Variants in MGAT4C observed in about 807,000 individuals in gnomAD.
MGAT4C encodes MGAT4 family member C.
A neutral mutation model predicts 40.1 loss-of-function variants in MGAT4C; 19 were observed. That is an observed-to-expected ratio of 0.47 (90% CI 0.33 to 0.70). MGAT4C has a LOEUF of 0.70. Among genes scored for constraint, MGAT4C ranks in the 30% least tolerant of loss-of-function variants. The pLI is 0.02. For synonymous variants in MGAT4C, 181 were observed against 187.1 expected (o/e 0.97, Z 0.27); for missense variants, 491 against 563.2 (o/e 0.87, Z 1.30).
chr12:86,494,611 T>C (rs1038764433), intron 2 of MGAT4C, among the ~76,000 whole-genome samples: 10 of 151,188 alleles, frequency 6.6e-5, no homozygotes, highest in Non-Finnish European at 1.5e-4. Context: ...CCACAAACCA[T>C]AGCAATCATT....
chr12:86,743,090 ATG>A (rs749128791), intron 1 of MGAT4C, among the ~76,000 whole-genome samples: 34 of 143,608 alleles, frequency 2.4e-4, no homozygotes, highest in Non-Finnish European at 4.4e-4. Flanking sequence ...GTATGTGTGT[ATG>A]TGTGTGTATG....
At chr12:86,307,216 CTG>C (rs10602026) in intron 4 of MGAT4C, among the ~76,000 whole-genome samples, 98,525 of 149,530 alleles carry the variant, frequency 0.66, 34,186 homozygotes, top group South Asian at 0.78. Flanking sequence ...ATTATAATAA[CTG>C]TATTAGATTT....
At chr12:86,782,640 C>G (rs960294878) in intron 1 of MGAT4C, among the ~76,000 whole-genome samples, 1 of 151,912 alleles carries the variant, frequency 6.6e-6, no homozygotes, top group Non-Finnish European at 1.5e-5. Context: ...TTGTTATGGC[C>G]TAACTCCCAA....
intron 2 of MGAT4C, among the ~76,000 whole-genome samples, chr12:86,540,562 C>T (rs1335277034): frequency 2.0e-5 from 3 of 152,054 alleles, no homozygotes; most frequent in South Asian, 4.1e-4. Context: ...ATAGTGAAAC[C>T]CTGTCTCTAC....
At chr12:86,580,498 A>G (rs4522243) in intron 2 of MGAT4C, among the ~76,000 whole-genome samples, 128,762 of 151,290 alleles carry the variant, frequency 0.85, 55,334 homozygotes, top group East Asian at 0.96. Flanking sequence ...AATGCCTGAA[A>G]TCCATAATAA....
intron 1 of MGAT4C, among the ~76,000 whole-genome samples, chr12:86,772,084 C>G (rs1951649641): frequency 6.6e-6 from 1 of 152,066 alleles, no homozygotes. Flanking sequence ...ATCAGAAAAC[C>G]TGTTCTGGAG....
At chr12:86,186,884 T>G (rs965428406) in intron 1 of MGAT4C, among the ~76,000 whole-genome samples, 2 of 152,080 alleles carry the variant, frequency 1.3e-5, no homozygotes, top group Admixed American at 1.3e-4. Flanking sequence ...TGGGTCTTCA[T>G]GTGAATAAGA....
chr12:86,452,531 T>C (rs12306070), intron 2 of MGAT4C, among the ~76,000 whole-genome samples: 3,304 of 152,106 alleles, frequency 0.022, 67 homozygotes, highest in East Asian at 0.045. Context: ...TCTATGCATT[T>C]GTGTTTTAGG....
intron 4 of MGAT4C, among the ~76,000 whole-genome samples, chr12:86,328,734 CTTTGA>C (rs1461173389): frequency 1.3e-5 from 2 of 152,004 alleles, no homozygotes; most frequent in Non-Finnish European, 2.9e-5. Context: ...TCTTAATTAT[CTTTGA>C]TTTGTTAGCT....
In MGAT4C at chr12:86,731,518, C is replaced by A. The variant is rs530295700; in HGVS notation, c.-261-4277G>T. Among the ~76,000 whole-genome samples the A allele has an allele frequency of 5.9e-5, 9 of 151,970 alleles. No homozygotes were observed. The East Asian group carries it at 9.7e-4, about 16-fold the overall frequency. ...TTAGTCTCTTTAAAATTCTTTTGCC[C>A]TTTTCTTATTTTTTTTCAGTACCTT... On this transcript the variant is annotated intron_variant, in intron 1 of 7. Transcript: ENST00000548651.
intron 2 of MGAT4C, among the ~76,000 whole-genome samples, chr12:86,504,977 T>C (rs1958445757): frequency 6.6e-6 from 1 of 152,178 alleles, no homozygotes; most frequent in Admixed American, 6.6e-5. Flanking sequence ...AGTTAAAGGA[T>C]ACAATATCTT....
At chr12:86,602,008 G>T (rs1225671620) in intron 2 of MGAT4C, among the ~76,000 whole-genome samples, 3 of 152,150 alleles carry the variant, frequency 2.0e-5, no homozygotes, top group African/African-American at 7.2e-5. Flanking sequence ...CGCCTGCAGC[G>T]GAAGCCGCGG....
chr12:86,401,295 T>G (rs1446675616), intron 3 of MGAT4C, among the ~76,000 whole-genome samples: 1 of 150,996 alleles, frequency 6.6e-6, no homozygotes, highest in African/African-American at 2.4e-5. Context: ...TGGGTGTGTG[T>G]GTGTGTGTAT....
intron 2 of MGAT4C, among the ~76,000 whole-genome samples, chr12:86,532,588 G>T (rs1405106444): frequency 6.6e-6 from 1 of 151,978 alleles, no homozygotes; most frequent in East Asian, 1.9e-4. Context: ...AATTGTATTT[G>T]CCAAGCTGTT....
chr12:86,419,684 A>G (rs1457742501), intron 3 of MGAT4C, among the ~76,000 whole-genome samples: 1 of 152,186 alleles, frequency 6.6e-6, no homozygotes, highest in African/African-American at 2.4e-5. Context: ...AGATGAATGG[A>G]CAAGGCCATT....
At chr12:86,736,361 C>T (rs1184621277) in intron 1 of MGAT4C, among the ~76,000 whole-genome samples, 2 of 151,774 alleles carry the variant, frequency 1.3e-5, no homozygotes, top group Non-Finnish European at 2.9e-5. Context: ...TGAAACCTTA[C>T]CACTTTTCTT....
chr12:86,090,555 A>T (rs184224342), intron 1 of MGAT4C, among the ~76,000 whole-genome samples: 1 of 151,934 alleles, frequency 6.6e-6, no homozygotes, highest in Admixed American at 6.6e-5. Flanking sequence ...TTCTGTAAAT[A>T]TTCTTTACTT....
At chr12:86,057,955 T>C (rs1751374288) in intron 1 of MGAT4C, among the ~76,000 whole-genome samples, 1 of 152,150 alleles carries the variant, frequency 6.6e-6, no homozygotes, top group African/African-American at 2.4e-5. Flanking sequence ...AATATATTAT[T>C]ATAGATTTAC....
intron 1 of MGAT4C, among the ~76,000 whole-genome samples, chr12:86,160,754 C>T (rs1202874462): frequency 6.6e-6 from 1 of 151,944 alleles, no homozygotes; most frequent in East Asian, 1.9e-4. Context: ...TCTGGGTGCT[C>T]CAATGTTGGA....
Sources: gnomAD v4.1 joint callset for allele counts (sites outside exome capture counted in the v4.1 genomes callset) on GRCh38, gnomAD v4.1.1 for gene constraint, MANE v1.5 for transcripts, NCBI Gene and HGNC (gene_info 2026-07-23, HGNC 2026-07-21) for gene names.